PEAK1: variants seen among roughly 807,000 people sequenced by gnomAD.
PEAK1 encodes pseudopodium enriched atypical kinase 1.
A neutral mutation model predicts 124.7 loss-of-function variants in PEAK1; 54 were observed. The ratio of observed to expected loss-of-function variants is 0.43; its 90% CI spans 0.35 to 0.54. The LOEUF (loss-of-function observed/expected upper bound fraction) is 0.54. PEAK1 is among the 20% of genes least tolerant of loss of function. The pLI, the probability that PEAK1 is intolerant of heterozygous loss-of-function variation, is 0.01. For synonymous variants in PEAK1, 719 were observed against 760.0 expected (o/e 0.95, Z 0.89); for missense variants, 2,046 against 2,134.5 (o/e 0.96, Z 0.82).
intron 6 of PEAK1, among the ~76,000 whole-genome samples, chr15:77,192,641 T>C (rs1301855846): frequency 6.6e-6 from 1 of 152,224 alleles, no homozygotes; most frequent in Admixed American, 6.5e-5. Context: ...CCAGCCATTC[T>C]TGAAGAGGTG....
intron 8 of PEAK1, among the ~76,000 whole-genome samples, chr15:77,154,569 TC>T (rs1180932246): frequency 6.6e-6 from 1 of 152,244 alleles, no homozygotes; most frequent in African/African-American, 2.4e-5. Context: ...TGATGCAGTT[TC>T]TTCCTAGCCT....
At chr15:77,269,050 A>T (rs2061886659) in intron 5 of PEAK1, among the ~76,000 whole-genome samples, 1 of 152,054 alleles carries the variant, frequency 6.6e-6, no homozygotes, top group African/African-American at 2.4e-5. Context: ...AAATACACCC[A>T]AATCGAATAT....
intron 1 of PEAK1, among the ~76,000 whole-genome samples, chr15:77,406,886 A>T (rs2071867444): frequency 6.6e-6 from 1 of 152,244 alleles, no homozygotes. Context: ...CTGTAAGGCT[A>T]CAGTCACCAA....
At chr15:77,289,634 G>A (rs1477235231) in intron 2 of PEAK1, among the ~76,000 whole-genome samples, 19 of 152,156 alleles carry the variant, frequency 1.2e-4, no homozygotes, top group Non-Finnish European at 2.4e-4. Flanking sequence ...TCAGGAGCTC[G>A]AGTCCAGCCT....
chr15:77,349,103 G>T (rs964359251), intron 2 of PEAK1: 37 of 713,340 alleles, frequency 5.2e-5, no homozygotes, highest in Admixed American at 3.9e-4. Flanking sequence ...GCAGTGGTGT[G>T]ATCTCGGCTC....
chr15:77,220,469 T>C (rs1003869898), intron 6 of PEAK1, among the ~76,000 whole-genome samples: 3 of 150,888 alleles, frequency 2.0e-5, no homozygotes, highest in Admixed American at 6.6e-5. Context: ...GTAAAATTAA[T>C]TATAATGTTG....
At chr15:77,315,442 C>T (rs1392975069) in intron 2 of PEAK1, among the ~76,000 whole-genome samples, 4 of 151,966 alleles carry the variant, frequency 2.6e-5, no homozygotes, top group Non-Finnish European at 4.4e-5. Context: ...CATTTCGAGT[C>T]GTGTGCTTTA....
chr15:77,278,608 C>T lies in PEAK1; in HGVS notation c.-275+5275G>A, dbSNP rs560578815. 2.0e-5 allele frequency: 10 copies of T among 509,070 alleles called. No individual in the cohort carries two copies. In the East Asian group the frequency reaches 3.8e-4, roughly 19 times the overall value. The allele number at this position is 509,070 out of a possible 1,614,324, so 31.5% of individuals were successfully genotyped here. A position where few individuals can be genotyped will look rare whatever the true frequency, so the allele number is the denominator to read the frequency against. On this transcript the variant is annotated intron_variant, in intron 5 of 9. Coordinates refer to ENST00000682557, the MANE Select transcript of PEAK1 (RefSeq NM_001385026.1). The stretch of plus-strand genomic sequence containing the variant: ...AGCCTAAAAAGGTCCCTGCAAAGAA[C>T]GGAGAGAAGGTACTCAAAGGAGAAA...
rs532904372 is a variant in PEAK1, at chr15:77,216,965, G to A, written c.-114-34925C>T. Among the ~76,000 whole-genome samples the A allele has an allele frequency of 7.0e-4, 107 of 152,120 alleles. 1 individual carries two copies. Among genetic ancestry groups the A allele is most frequent in the African/African-American group, 2.4e-3 (100 of 41,500 alleles). On this transcript the variant is annotated intron_variant, in intron 6 of 9. Coordinates refer to ENST00000682557, the MANE Select transcript of PEAK1 (RefSeq NM_001385026.1). ...AAGACAAAGTACAGGCAGGGTGCGGGGGCTCACACCTGTAATCTCAGCACC... is the reference window on the plus strand; with the variant it reads ...AAGACAAAGTACAGGCAGGGTGCGGAGGCTCACACCTGTAATCTCAGCACC...
chr15:77,157,851 A>G lies in PEAK1; in HGVS notation c.3331+652T>C, dbSNP rs556309469. ...CTACCAAATTTCCTGCTACCAAATA[A>G]TCCACATACACATGGCAGCCTGCAG... is the stretch of plus-strand genomic sequence containing the variant. On this transcript the variant is annotated intron_variant, in intron 8 of 9. Coordinates refer to ENST00000682557, the MANE Select transcript of PEAK1 (RefSeq NM_001385026.1). The G allele has an allele frequency of 3.9e-5, 6 of 152,332 alleles. No homozygotes were observed. In the South Asian group the frequency reaches 1.2e-3, roughly 32 times the overall value. The allele number at this position is 152,332 out of a possible 1,614,324, so 9.4% of individuals were successfully genotyped here. A position where few individuals can be genotyped will look rare whatever the true frequency, so the allele number is the denominator to read the frequency against.
At chr15:77,248,098 T>C (rs1026335285) in intron 6 of PEAK1, among the ~76,000 whole-genome samples, 1 of 152,038 alleles carries the variant, frequency 6.6e-6, no homozygotes, top group Non-Finnish European at 1.5e-5. Flanking sequence ...GTCCTTGCTA[T>C]GCTGCCCAGG....
chr15:77,274,680 T>G (rs551937260), intron 5 of PEAK1, among the ~76,000 whole-genome samples: 1 of 152,124 alleles, frequency 6.6e-6, no homozygotes, highest in Non-Finnish European at 1.5e-5. Context: ...TTGGTGTGGA[T>G]GTCATGAAAA....
intron 1 of PEAK1, among the ~76,000 whole-genome samples, chr15:77,383,253 T>TGA: frequency 6.6e-6 from 1 of 152,146 alleles, no homozygotes; most frequent in East Asian, 1.9e-4. Flanking sequence ...CTCAAACTCC[T>TGA]GACCTCAGGT....
chr15:77,129,081 A>G (rs2152734204), intron 9 of PEAK1, among the ~76,000 whole-genome samples: 1 of 152,322 alleles, frequency 6.6e-6, no homozygotes, highest in East Asian at 1.9e-4. Flanking sequence ...GCCCTGATAC[A>G]ATAGAACTGG....
chr15:77,337,187 G>A, intron 2 of PEAK1: 1 of 984,826 alleles, frequency 1.0e-6, no homozygotes, highest in Non-Finnish European at 1.2e-6. Flanking sequence ...GAAGCAGGTA[G>A]AGGAGTAAAA....
At chr15:77,247,843 TA>T (rs1249211508) in intron 6 of PEAK1, among the ~76,000 whole-genome samples, 1 of 152,162 alleles carries the variant, frequency 6.6e-6, no homozygotes, top group Non-Finnish European at 1.5e-5. Context: ...CATAATGCAT[TA>T]TCCTTTTTAC....
At chr15:77,293,711 T>C (rs1186321766) in intron 2 of PEAK1, among the ~76,000 whole-genome samples, 1 of 152,204 alleles carries the variant, frequency 6.6e-6, no homozygotes, top group East Asian at 1.9e-4. Flanking sequence ...TTGATTACTA[T>C]TATAACTAGG....
At chr15:77,120,006 C>T (rs2051763229) in intron 9 of PEAK1, among the ~76,000 whole-genome samples, 1 of 152,140 alleles carries the variant, frequency 6.6e-6, no homozygotes, top group East Asian at 1.9e-4. Context: ...GCTCTCTCAA[C>T]AACAGATACT....
intron 1 of PEAK1, among the ~76,000 whole-genome samples, chr15:77,405,639 G>A (rs2071757466): frequency 6.6e-6 from 1 of 152,114 alleles, no homozygotes; most frequent in Admixed American, 6.5e-5. Context: ...AGACGCTGAA[G>A]GCCCATAGAA....
Sources: allele counts gnomAD v4.1 joint callset (sites outside exome capture counted in the v4.1 genomes callset), GRCh38; gene constraint gnomAD v4.1.1; transcripts MANE v1.5; gene names NCBI Gene and HGNC (gene_info 2026-07-23, HGNC 2026-07-21).